Variants in ROR1 observed in about 807,000 individuals in gnomAD.
The protein encoded by ROR1 is inactive tyrosine-protein kinase transmembrane receptor ROR1.
ROR1 carries 19 observed loss-of-function variants against 78.8 expected under a neutral mutation model. The ratio of observed to expected loss-of-function variants is 0.24; its 90% confidence interval spans 0.17 to 0.35. ROR1 has a LOEUF of 0.35. Ranked by LOEUF, ROR1 falls within the 10% of genes least tolerant of loss-of-function variation. The pLI is 1.00. For synonymous variants in ROR1, 386 were observed against 433.6 expected, an observed-to-expected ratio of 0.89 and a Z score of 1.36; for missense variants, 917 against 1,177.8, an observed-to-expected ratio of 0.78 and a Z score of 3.24.
At chr1:64,111,683 G>A (rs796615287) in intron 4 of ROR1, among the ~76,000 whole-genome samples, 32 of 152,294 alleles carry the variant, frequency 2.1e-4, no homozygotes, top group African/African-American at 7.0e-4. Context: ...TCACATTTCT[G>A]TGTCTCCGTC....
At chr1:64,081,910 T>C (rs1647105670) in intron 4 of ROR1, among the ~76,000 whole-genome samples, 1 of 152,144 alleles carries the variant, frequency 6.6e-6, no homozygotes, top group South Asian at 2.1e-4. Context: ...TACCAAGAGT[T>C]TATACTTTGT....
intron 1 of ROR1, among the ~76,000 whole-genome samples, chr1:63,999,690 A>AGATG (rs1646367404): frequency 6.6e-6 from 1 of 152,214 alleles, no homozygotes; most frequent in African/African-American, 2.4e-5. Context: ...AATATTTGTT[A>AGATG]GATGGATGGA....
At chr1:64,061,200 A>G (rs939859878) in intron 4 of ROR1, among the ~76,000 whole-genome samples, 2 of 152,172 alleles carry the variant, frequency 1.3e-5, no homozygotes, top group African/African-American at 4.8e-5. Context: ...TTCTTCACAT[A>G]TTACAAGGCT....
intron 1 of ROR1, among the ~76,000 whole-genome samples, chr1:63,786,571 CTTTT>C (rs10530236): frequency 8.8e-6 from 1 of 113,340 alleles, no homozygotes; most frequent in Non-Finnish European, 1.8e-5. Flanking sequence ...CGCGCCTGGC[CTTTT>C]TTTTTTTTTT....
At chr1:64,169,325 C>G (rs1242916150) in intron 8 of ROR1, among the ~76,000 whole-genome samples, 1 of 152,094 alleles carries the variant, frequency 6.6e-6, no homozygotes, top group Non-Finnish European at 1.5e-5. Context: ...GCTGGGGAGG[C>G]CTCACAATCA....
chr1:63,863,110 A>T (rs545870443), intron 1 of ROR1, among the ~76,000 whole-genome samples: 1 of 152,192 alleles, frequency 6.6e-6, no homozygotes, highest in Non-Finnish European at 1.5e-5. Flanking sequence ...CACCAGCAGG[A>T]TGCTTAGTTG....
chr1:63,809,255 C>A (rs781249114), intron 1 of ROR1, among the ~76,000 whole-genome samples: 1 of 152,140 alleles, frequency 6.6e-6, no homozygotes, highest in Non-Finnish European at 1.5e-5. Context: ...AATGATCTCT[C>A]TGCCATCAAG....
intron 4 of ROR1, among the ~76,000 whole-genome samples, chr1:64,088,390 A>G (rs767611990): frequency 6.6e-6 from 1 of 152,146 alleles, no homozygotes; most frequent in Non-Finnish European, 1.5e-5. Context: ...CAGATGACAA[A>G]ACCAGGCAAA....
chr1:64,041,222 A>G (rs1160033145), intron 2 of ROR1, among the ~76,000 whole-genome samples: 1 of 152,148 alleles, frequency 6.6e-6, no homozygotes, highest in Non-Finnish European at 1.5e-5. Context: ...TGATGACAAA[A>G]TGCAATAATA....
At chr1:63,810,566 A>G (rs1209651440) in intron 1 of ROR1, among the ~76,000 whole-genome samples, 1 of 152,240 alleles carries the variant, frequency 6.6e-6, no homozygotes, top group East Asian at 1.9e-4. Context: ...GAGAAGAGGA[A>G]CAGATGAACT....
At chr1:64,007,877 G>A (rs1056693473) in intron 1 of ROR1, among the ~76,000 whole-genome samples, 48 of 151,616 alleles carry the variant, frequency 3.2e-4, no homozygotes, top group Admixed American at 2.5e-3. Context: ...GTTTATGTTT[G>A]ATTATGTGTG....
intron 8 of ROR1, among the ~76,000 whole-genome samples, chr1:64,161,808 A>G (rs1649953209): frequency 8.5e-6 from 1 of 117,656 alleles, no homozygotes; most frequent in African/African-American, 2.6e-5. Context: ...ACAAAAACAA[A>G]TGCTAACTTT....
At chr1:64,168,884 A>G (rs540533112) in intron 8 of ROR1, among the ~76,000 whole-genome samples, 40 of 152,358 alleles carry the variant, frequency 2.6e-4, no homozygotes, top group Non-Finnish European at 4.3e-4. Flanking sequence ...AACTACATCC[A>G]TTTATTCCAG....
intron 1 of ROR1, among the ~76,000 whole-genome samples, chr1:63,877,078 G>T (rs568512064): frequency 6.6e-6 from 1 of 152,092 alleles, no homozygotes; most frequent in South Asian, 2.1e-4. Flanking sequence ...TCTTTCATGT[G>T]TCCAACTTAA....
intron 2 of ROR1, among the ~76,000 whole-genome samples, chr1:64,014,764 A>ACATACGCACAC (rs1200954200): frequency 2.8e-5 from 2 of 70,884 alleles, no homozygotes; most frequent in Admixed American, 3.7e-4. Flanking sequence ...ATATATATAT[A>ACATACGCACAC]TATATATATA....
intron 4 of ROR1, among the ~76,000 whole-genome samples, chr1:64,107,815 A>G (rs1055457190): frequency 6.6e-6 from 1 of 152,118 alleles, no homozygotes; most frequent in South Asian, 2.1e-4. Flanking sequence ...ACTCACTCTA[A>G]GTAAAATAAT....
intron 1 of ROR1, among the ~76,000 whole-genome samples, chr1:63,782,560 T>G (rs1025276170): frequency 2.0e-5 from 3 of 151,520 alleles, no homozygotes; most frequent in Non-Finnish European, 2.9e-5. Context: ...TTTTTTTGTT[T>G]TTTTTTTTGT....
chr1:63,990,496 G>GTATGTTTCT (rs1553149777), intron 1 of ROR1, among the ~76,000 whole-genome samples: 3 of 151,478 alleles, frequency 2.0e-5, no homozygotes, highest in African/African-American at 7.3e-5. Flanking sequence ...AAAGAATTCT[G>GTATGTTTCT]GATTTACATG....
At chr1:63,928,754 G>T (rs1645728040) in intron 1 of ROR1, among the ~76,000 whole-genome samples, 1 of 152,294 alleles carries the variant, frequency 6.6e-6, no homozygotes, top group South Asian at 2.1e-4. Flanking sequence ...CTACCTACTA[G>T]AATTGTTTCA....
Sources: gnomAD v4.1 joint callset for allele counts (sites outside exome capture counted in the v4.1 genomes callset) on GRCh38, gnomAD v4.1.1 for gene constraint, MANE v1.5 for transcripts, NCBI Gene and HGNC (gene_info 2026-07-23, HGNC 2026-07-21) for gene names.